The following LPIN2 variants were observed in gnomAD, a reference collection of about 807,000 sequenced individuals.
The protein encoded by LPIN2 is lipin 2.
In LPIN2, 55 loss-of-function variants were observed where a neutral mutation model predicts 111.4. The observed-to-expected ratio is 0.49, with a 90% confidence interval of 0.40 to 0.62. LPIN2 has a LOEUF of 0.62. Ranked by LOEUF, LPIN2 falls within the 20% of genes least tolerant of loss-of-function variation. The probability of loss-of-function intolerance (pLI) is 0.00; values close to 1 mark genes in which losing one functional copy is unlikely to be tolerated. For synonymous variants in LPIN2, 425 were observed against 414.0 expected, an observed-to-expected ratio of 1.03 and a Z score of -0.32; for missense variants, 992 against 1,112.1, an observed-to-expected ratio of 0.89 and a Z score of 1.54.
In LPIN2 at chr18:2,940,695, G is replaced by T; in HGVS notation, c.608C>A (p.Ser203Tyr). Reference protein sequence around the residue: ...AQAARGSSNASLKEEECKEPL... With the variant: ...AQAARGSSNAYLKEEECKEPL... ...CTCTTTACATTCTTCTTCTTTCAAG[G>T]AAGCATTTGAAGATCCTCTGTGAAG... The change falls in exon 5 of 20, where the codon TCC (serine) becomes TAC (tyrosine). Residue 203 changes from serine (S) to tyrosine (Y), a missense_variant. Ser to Tyr is a moderately radical substitution (Grantham distance 144). This residue lies in a region of LPIN2 where 709 missense variants were observed against 753.2 expected (regional missense o/e 0.94). Transcript: ENST00000677752. 2 of 1,609,322 alleles carry T rather than the reference G, an allele frequency of 1.2e-6. No individual in the cohort carries two copies. The highest frequency in any genetic ancestry group is 1.7e-6 in the Non-Finnish European group (2 of 1,176,038).
At chr18:2,923,736 C>T (rs779750668) in intron 16 of LPIN2, 39 bp downstream of exon 16, 1 of 1,539,112 alleles carries the variant, frequency 6.5e-7, no homozygotes, top group East Asian at 2.2e-5. Flanking sequence ...AGCAAGCTTC[C>T]AGCTCACCAG....
chr18:2,957,922 G>A (rs985071035), intron 2 of LPIN2, among the ~76,000 whole-genome samples: 1 of 151,698 alleles, frequency 6.6e-6, no homozygotes, highest in Non-Finnish European at 1.5e-5. Flanking sequence ...AGGCCAAGGC[G>A]GGTGGATTAC....
intron 4 of LPIN2, among the ~76,000 whole-genome samples, 192 bp from the exon 5 acceptor site, chr18:2,940,904 T>G (rs1186727552): frequency 6.6e-6 from 1 of 152,164 alleles, no homozygotes; most frequent in Admixed American, 6.5e-5. Context: ...CAATCACTAT[T>G]CACATATGGA....
chr18:2,986,956 T>C (rs1425168234), intron 1 of LPIN2, among the ~76,000 whole-genome samples: 2 of 152,136 alleles, frequency 1.3e-5, no homozygotes, highest in African/African-American at 2.4e-5. Flanking sequence ...GAGGCCTCAG[T>C]TGCTTGACAG....
intron 18 of LPIN2, chr18:2,921,210 C>A (rs973706639): frequency 1.8e-6 from 1 of 547,590 alleles, no homozygotes; most frequent in African/African-American, 1.9e-5. Flanking sequence ...AGGGCCAGCA[C>A]TGACCCTGGC....
At chr18:2,960,904 CAAAG>C (rs1342997697) in intron 1 of LPIN2, 55 bp from the exon 2 acceptor site, 34 of 1,421,044 alleles carry the variant, frequency 2.4e-5, no homozygotes, top group Middle Eastern at 1.8e-4. Context: ...GATCTATTGA[CAAAG>C]AAATAACAGT....
chr18:2,947,631 AAAG>A (rs1160526693), intron 4 of LPIN2, among the ~76,000 whole-genome samples: 1 of 152,218 alleles, frequency 6.6e-6, no homozygotes, highest in African/African-American at 2.4e-5. Context: ...CTTGAAAAGT[AAAG>A]AATTTAAACG....
chr18:2,965,310 C>T (rs2077779728), intron 1 of LPIN2, among the ~76,000 whole-genome samples: 2 of 152,160 alleles, frequency 1.3e-5, no homozygotes, highest in African/African-American at 4.8e-5. Context: ...TAAAAGGACA[C>T]ACACTGGAAT....
At chr18:2,935,841 T>C (rs775994843) in intron 7 of LPIN2, among the ~76,000 whole-genome samples, 1 of 152,034 alleles carries the variant, frequency 6.6e-6, no homozygotes, top group Non-Finnish European at 1.5e-5. Flanking sequence ...GGCAAAAATG[T>C]ATAATAAAAA....
At chr18:2,955,830 G>A (rs994853187) in intron 2 of LPIN2, among the ~76,000 whole-genome samples, 1 of 152,032 alleles carries the variant, frequency 6.6e-6, no homozygotes, top group Non-Finnish European at 1.5e-5. Flanking sequence ...CAGGAGAATC[G>A]CTTGAACCCA....
Position 2,929,000 on chromosome 18 carries a change from T to C in LPIN2, c.1550+65A>G, listed in dbSNP as rs966911262. The C allele has an allele frequency of 4.7e-6, 5 of 1,053,208 alleles. No homozygotes were observed. In the African/African-American group the frequency reaches 7.8e-5, roughly 16 times the overall value. 65.2% of individuals were successfully genotyped at this position (1,053,208 alleles called of 1,614,324 possible). ...GAAGGAACACTTTTATAAGTAACAG[T>C]TAAAAATGGCACTTGTAAAAAAACT... On this transcript the variant is annotated intron_variant, in intron 10 of 19. Coordinates refer to ENST00000677752, the MANE Select transcript of LPIN2 (RefSeq NM_001375808.2).
intron 1 of LPIN2, among the ~76,000 whole-genome samples, chr18:2,982,105 C>T (rs1391386018): frequency 6.6e-6 from 1 of 152,042 alleles, no homozygotes; most frequent in Admixed American, 6.6e-5. Flanking sequence ...AGAGAGAAAA[C>T]TCTGGATTAA....
In LPIN2 at chr18:2,951,385, T is replaced by C. The variant is rs1046545577; in HGVS notation, c.289-29A>G. 2.5e-6 allele frequency: 4 copies of C among 1,587,948 alleles called. No individual in the cohort carries two copies. The African/African-American group carries it at 5.4e-5, about 21-fold the overall frequency. ...GAGGAGAATGGAGAAAGAAAAGTTA[T>C]CCATGACAAACTCGACAGTGAATTA... On this transcript the variant is annotated intron_variant, in intron 3 of 19. Coordinates refer to ENST00000677752, the MANE Select transcript of LPIN2 (RefSeq NM_001375808.2).
intron 1 of LPIN2, among the ~76,000 whole-genome samples, chr18:2,970,679 G>GA (rs2077893644): frequency 6.6e-6 from 1 of 152,184 alleles, no homozygotes; most frequent in Non-Finnish European, 1.5e-5. Flanking sequence ...AAACTAGCAA[G>GA]AACATGCTTC....
rs182101824 is a variant in LPIN2 at position 2,923,295 on chromosome 18, C to T, written c.2174+480G>A. Among the ~76,000 whole-genome samples, 6 of 151,884 alleles carry T rather than the reference C, an allele frequency of 4.0e-5. No individual in the cohort carries two copies. The East Asian group carries it at 7.7e-4, about 20-fold the overall frequency. The stretch of plus-strand genomic sequence containing the variant: ...ATTAGCTGGGCATGGTGGCATGTGC[C>T]GGTAATCCCAGCTACTCGGGAGACT... On this transcript the variant is annotated intron_variant, in intron 16 of 19. Transcript: ENST00000677752.
At chr18:2,964,282 CAA>C (rs56276815) in intron 1 of LPIN2, among the ~76,000 whole-genome samples, 5 of 56,848 alleles carry the variant, frequency 8.8e-5, no homozygotes, top group Non-Finnish European at 1.5e-4. Context: ...GACTCCGTCT[CAA>C]AAAAAAAAAA....
At chr18:2,996,467 CTTTTTT>C (rs1179106649) in intron 1 of LPIN2, among the ~76,000 whole-genome samples, 10 of 84,988 alleles carry the variant, frequency 1.2e-4, no homozygotes, top group African/African-American at 4.1e-4. Context: ...AGGAAAATAT[CTTTTTT>C]TTTTTTTTTT....
chr18:2,930,979 C>G (rs1466398136), intron 9 of LPIN2, among the ~76,000 whole-genome samples: 1 of 152,170 alleles, frequency 6.6e-6, no homozygotes, highest in Non-Finnish European at 1.5e-5. Context: ...TGATCGCACC[C>G]TGGCAGCTCA....
intron 1 of LPIN2, among the ~76,000 whole-genome samples, chr18:2,961,713 T>G (rs1280413228): frequency 1.3e-5 from 2 of 152,036 alleles, no homozygotes; most frequent in African/African-American, 4.8e-5. Context: ...AATGTCAGAT[T>G]TTACTTCCAG....
Sources: allele counts gnomAD v4.1 joint callset (sites outside exome capture counted in the v4.1 genomes callset), GRCh38; gene constraint gnomAD v4.1.1; regional missense constraint gnomAD v4.1.1; transcripts MANE v1.5; gene names NCBI Gene and HGNC (gene_info 2026-07-23, HGNC 2026-07-21).